Variants in GBP4 observed in about 807,000 individuals in gnomAD.
GBP4 encodes guanylate-binding protein 4.
Under a neutral mutation model 62.2 loss-of-function variants are expected in GBP4, and 69 were observed. The observed-to-expected ratio is 1.11, with a 90% CI of 0.91 to 1.36. GBP4 has a LOEUF of 1.36. Ranked by LOEUF, GBP4 falls within the 40% of genes most tolerant of loss-of-function variation. The pLI is 0.00. For synonymous variants in GBP4, 278 were observed against 274.6 expected (o/e 1.01, Z -0.12); for missense variants, 697 against 759.3 (o/e 0.92, Z 0.96).
rs1647872708 is a variant in GBP4, at chr1:89,181,280, G to A, written c.*3974C>T. 6.6e-6 allele frequency: 1 copy of A among 152,030 alleles called. No homozygotes were observed. The highest frequency in any genetic ancestry group is 2.4e-5 in the African/African-American group (1 of 41,390). 9.4% of individuals were successfully genotyped at this position (152,030 alleles called of 1,614,324 possible). A position where few individuals can be genotyped will look rare whatever the true frequency, so the allele number is the denominator to read the frequency against. On this transcript the variant is annotated 3_prime_UTR_variant, in exon 11 of 11. Coordinates refer to ENST00000355754, the MANE Select transcript of GBP4 (RefSeq NM_052941.5). Reference sequence around the variant, plus strand: ...TAAAGGAAAATTACAGTCAAAGGGGGTTGTTCTCTGGCGGGCAGAGGTGGG... The same window carrying A: ...TAAAGGAAAATTACAGTCAAAGGGGATTGTTCTCTGGCGGGCAGAGGTGGG...
intron 6 of GBP4, 77 bp from the exon 7 acceptor site, chr1:89,190,395 A>G (rs1648149697): frequency 7.8e-7 from 1 of 1,286,458 alleles, no homozygotes; most frequent in Non-Finnish European, 1.1e-6. Context: ...AGCATTCTAA[A>G]AATTACAAAA....
chr1:89,193,569 A>AT, intron 3 of GBP4, among the ~76,000 whole-genome samples, 157 bp from the exon 4 acceptor site: 1 of 152,322 alleles, frequency 6.6e-6, no homozygotes, highest in South Asian at 2.1e-4. Flanking sequence ...TCATATTTAG[A>AT]TTTTTACATT....
chr1:89,195,295 A>G lies in GBP4; in HGVS notation c.363+2T>C. 1.2e-6 allele frequency: 2 copies of G among 1,613,656 alleles called. No individual in the cohort carries two copies. The highest frequency in any genetic ancestry group is 1.7e-6 in the Non-Finnish European group (2 of 1,179,702). On this transcript the variant is annotated splice_donor_variant, in intron 3 of 10. Transcript: ENST00000355754. LOFTEE classifies it high-confidence loss of function. ...ATGAGCGGTGAAGTTTCTCTGCCTTACCTTTTCTACATCGCCCAGGCCCTC... is the reference window on the plus strand; with the variant it reads ...ATGAGCGGTGAAGTTTCTCTGCCTTGCCTTTTCTACATCGCCCAGGCCCTC...
intron 5 of GBP4, among the ~76,000 whole-genome samples, chr1:89,191,812 T>C (rs1028707747): frequency 8.5e-5 from 13 of 152,218 alleles, no homozygotes; most frequent in African/African-American, 2.7e-4. Context: ...TAAATGTTTT[T>C]GAATGATTAA....
chr1:89,198,645 C>A, intron 1 of GBP4, 150 bp downstream of exon 1: 1 of 730,560 alleles, frequency 1.4e-6, no homozygotes, highest in South Asian at 1.5e-5. Context: ...CAAGCAGCAT[C>A]AGACTTCCCC....
chr1:89,188,485 C>T, intron 8 of GBP4, 97 bp downstream of exon 8: 1 of 959,562 alleles, frequency 1.0e-6, no homozygotes, highest in Non-Finnish European at 1.7e-6. Context: ...TCTGCTTCCT[C>T]TCCACAAATG....
chr1:89,193,457 T>C (rs764462852), intron 3 of GBP4, 45 bp from the exon 4 acceptor site: 2 of 1,462,780 alleles, frequency 1.4e-6, no homozygotes, highest in South Asian at 2.3e-5. Context: ...TTCTCTTCAT[T>C]CATTCATTCA....
rs772735640 is a variant in GBP4, at chr1:89,186,365, C to T, written c.1675G>A (p.Glu559Lys). The T allele has an allele frequency of 6.0e-5, 97 of 1,612,782 alleles. No homozygotes were observed. The highest frequency in any genetic ancestry group is 1.3e-4 in the Admixed American group (8 of 59,988). ...LEEERENLLREHERLLKHKLK... is the reference protein window; with the variant it reads ...LEEERENLLRKHERLLKHKLK... ...TTGTGTTTTAGCAGCCTTTCATGCTCTCTGAGAAGGTTTTCCCTTTCCTCC... is the reference window on the plus strand; with the variant it reads ...TTGTGTTTTAGCAGCCTTTCATGCTTTCTGAGAAGGTTTTCCCTTTCCTCC... The change falls in exon 10 of 11, where the codon GAG becomes AAG. Residue 559 changes from glutamate to lysine, a missense_variant. This residue lies in a region of GBP4 where 141 missense variants were observed against 196.6 expected (regional missense o/e 0.72). Coordinates refer to ENST00000355754, the MANE Select transcript of GBP4 (RefSeq NM_052941.5).
intron 2 of GBP4, 146 bp downstream of exon 2, chr1:89,196,964 G>C (rs1648358998): frequency 1.2e-5 from 7 of 574,776 alleles, no homozygotes; most frequent in Non-Finnish European, 2.1e-5. Flanking sequence ...ATATATATTT[G>C]AGATTGTAAA....
chr1:89,189,712 C>T (rs911257703), intron 7 of GBP4, among the ~76,000 whole-genome samples: 1 of 152,220 alleles, frequency 6.6e-6, no homozygotes, highest in Non-Finnish European at 1.5e-5. Context: ...GAAATCTAAG[C>T]CTCTTTGACA....
At position 89,193,395 on chromosome 1, in the gene GBP4, G is replaced by T. The variant is rs1648242942; in HGVS notation, c.381C>A (p.Asp127Glu). 3 of 1,614,008 alleles carry T rather than the reference G, an allele frequency of 1.9e-6. No homozygotes were observed. The highest frequency in any genetic ancestry group is 2.5e-6 in the Non-Finnish European group (3 of 1,179,886). Residue 127 changes from aspartate (D) to glutamate (E), a missense_variant, in exon 4 of 11, where the codon GAC becomes GAA. Asp to Glu is a conservative substitution (Grantham distance 45). Coordinates refer to ENST00000355754, the MANE Select transcript of GBP4 (RefSeq NM_052941.5). ...GDVEKSNPKN[D>E]SWIFALAVLL... Reference sequence around the variant, plus strand: ...GCACAGCCAGGGCAAAGATCCACGAGTCATTCTTAGGGTTACTCTAGAAAG... The same window carrying T: ...GCACAGCCAGGGCAAAGATCCACGATTCATTCTTAGGGTTACTCTAGAAAG...
At chr1:89,188,521 G>C (rs1648097141) in intron 8 of GBP4, 61 bp downstream of exon 8, 1 of 1,332,544 alleles carries the variant, frequency 7.5e-7, no homozygotes, top group Non-Finnish European at 1.1e-6. Context: ...ATTTTCAGAA[G>C]GGGCAACAAA....
rs116011862 is a variant in GBP4, at chr1:89,190,123, T to G, written c.1112A>C (p.His371Pro). Reference sequence around the variant, plus strand: ...AATGGCTTCCCTCTCACAGGCTGCATGCACGTCCAGCAGCTCCTGGAGCGT... The same window carrying G: ...AATGGCTTCCCTCTCACAGGCTGCAGGCACGTCCAGCAGCTCCTGGAGCGT... ...TDTLQELLDV[H>P]AACEREAIAV... Residue 371 changes from histidine (H) to proline (P), a missense_variant, in exon 7 of 11, where the codon CAT (histidine) becomes CCT (proline). Transcript: ENST00000355754. The G allele has an allele frequency of 8.1e-6, 13 of 1,614,162 alleles. No individual in the cohort carries two copies. The East Asian group carries it at 2.7e-4, about 33-fold the overall frequency.
intron 5 of GBP4, among the ~76,000 whole-genome samples, chr1:89,192,686 T>A (rs188874233): frequency 1.4e-4 from 22 of 152,360 alleles, no homozygotes; most frequent in Admixed American, 1.2e-3. Context: ...AACTTCGAGT[T>A]TTAAATTTCC....
chr1:89,193,746 T>G (rs1362307310), intron 3 of GBP4, among the ~76,000 whole-genome samples: 3 of 152,192 alleles, frequency 2.0e-5, no homozygotes, highest in Non-Finnish European at 2.9e-5. Context: ...CAAATGCTAT[T>G]CAGTTAAGTT....
chr1:89,186,233 T>A lies in GBP4; in HGVS notation c.1707+100A>T, dbSNP rs1557472634. 1.3e-5 allele frequency: 11 copies of A among 879,694 alleles called. 1 individual carries two copies. Among genetic ancestry groups the A allele is most frequent in the Non-Finnish European group, 3.6e-6 (2 of 554,850 alleles). 54.5% of individuals were successfully genotyped at this position (879,694 alleles called of 1,614,324 possible). ...TAGTGAAACATACAACTTTTGTGTT[T>A]CCTTCTGGAATCATGACTGTGCCTA... On this transcript the variant is annotated intron_variant, in intron 10 of 10. Coordinates refer to ENST00000355754, the MANE Select transcript of GBP4 (RefSeq NM_052941.5).
At chr1:89,186,212 GA>G in intron 10 of GBP4, 120 bp downstream of exon 10, 1 of 752,918 alleles carries the variant, frequency 1.3e-6, no homozygotes, top group Non-Finnish European at 2.2e-6. Flanking sequence ...AGATTTTAGT[GA>G]AACATACAAC....
At position 89,186,986 on chromosome 1, in the gene GBP4, C is replaced by T; in HGVS notation, c.1513+14G>A. ...ACTCCCAATCCCTCTGATAGCTGAGCCCTGCCCCTGTACCTGCTATGGCCT... is the reference window on the plus strand; with the variant it reads ...ACTCCCAATCCCTCTGATAGCTGAGTCCTGCCCCTGTACCTGCTATGGCCT... On this transcript the variant is annotated intron_variant, in intron 9 of 10. Coordinates refer to ENST00000355754, the MANE Select transcript of GBP4 (RefSeq NM_052941.5). 1 of 1,611,694 alleles carries T rather than the reference C, an allele frequency of 6.2e-7. No individual in the cohort carries two copies. Among genetic ancestry groups the T allele is most frequent in the African/African-American group, 1.3e-5 (1 of 74,972 alleles).
At chr1:89,185,884 T>C (rs563789701) in intron 10 of GBP4, among the ~76,000 whole-genome samples, 1 of 152,338 alleles carries the variant, frequency 6.6e-6, no homozygotes. Flanking sequence ...TTTACTCTAG[T>C]TGTATAGGAT....
Sources: allele counts gnomAD v4.1 joint callset (sites outside exome capture counted in the v4.1 genomes callset), GRCh38; gene constraint gnomAD v4.1.1; regional missense constraint gnomAD v4.1.1; transcripts MANE v1.5; gene names NCBI Gene and HGNC (gene_info 2026-07-23, HGNC 2026-07-21).